AKT2: variants seen among roughly 807,000 people sequenced by gnomAD.
The protein encoded by AKT2 is AKT serine/threonine kinase 2.
AKT2 carries 16 observed loss-of-function variants against 58.6 expected under a neutral mutation model. That is an observed-to-expected ratio of 0.27 (90% CI 0.18 to 0.41). The LOEUF (loss-of-function observed/expected upper bound fraction) is 0.41. Ranked by LOEUF, AKT2 falls within the 10% of genes least tolerant of loss-of-function variation. The pLI is 1.00. For synonymous variants in AKT2, 253 were observed against 254.0 expected (o/e 1.00, Z 0.04); for missense variants, 438 against 661.0 (o/e 0.66, Z 3.70).
Position 40,242,052 on chromosome 19 carries a change from G to A in AKT2, c.459C>T (p.Asp153=). Residue 153 remains aspartate (D), a synonymous_variant, in exon 6 of 14, where the codon GAC becomes GAT. Transcript: ENST00000392038. This position sits in a 1 kb window ranked among gnomAD's most constrained non-coding sequence, Gnocchi z 4.3. The part of the protein sequence containing the change: ...ARAKVTMNDF[D]YLKLLGKGTF... ...TTCCCTTGCCAAGGAGTTTGAGATA[G>A]TCGAAGTCATTCATGGTCTGCCAGG... is the stretch of plus-strand genomic sequence containing the variant. 1 of 1,614,250 alleles carries A rather than the reference G, an allele frequency of 6.2e-7. No individual in the cohort carries two copies. The highest frequency in any genetic ancestry group is 8.5e-7 in the Non-Finnish European group (1 of 1,180,048).
chr19:40,275,927 G>A (rs1378972697), intron 1 of AKT2, among the ~76,000 whole-genome samples: 9 of 151,104 alleles, frequency 6.0e-5, no homozygotes, highest in East Asian at 5.9e-4. Context: ...GCAGAGAATC[G>A]CTTGAACCCG....
Position 40,234,913 on chromosome 19 carries a change from G to T in AKT2, c.1366+132C>A. The T allele has an allele frequency of 1.1e-6, 1 of 875,904 alleles. No individual in the cohort carries two copies. The highest frequency in any genetic ancestry group is 1.9e-6 in the Non-Finnish European group (1 of 535,732). 54.3% of individuals were successfully genotyped at this position (875,904 alleles called of 1,614,324 possible). On this transcript the variant is annotated intron_variant, in intron 13 of 13. Coordinates refer to ENST00000392038, the MANE Select transcript of AKT2 (RefSeq NM_001626.6). The surrounding 1 kb of genome is among the most constrained non-coding windows in gnomAD (Gnocchi z 4.7). ...GGACCAACAGCAAAAGGGCCTGAGA[G>T]CAGACTTGGGGAAATCTCCCAGACA...
At position 40,285,319 on chromosome 19, in the gene AKT2, C is replaced by A; in HGVS notation, c.-223G>T. 1 of 394,602 alleles carries A rather than the reference C, an allele frequency of 2.5e-6. No individual in the cohort carries two copies. The highest frequency in any genetic ancestry group is 4.5e-6 in the Non-Finnish European group (1 of 223,438). 24.4% of individuals were successfully genotyped at this position (394,602 alleles called of 1,614,324 possible). On this transcript the variant is annotated 5_prime_UTR_variant, in exon 1 of 14. Transcript: ENST00000392038. ...GCAGCGGCGGCGGCGACGCCTCCTCCGAGGCAGGCCCAACGGCTAGCACGG... is the reference window on the plus strand; with the variant it reads ...GCAGCGGCGGCGGCGACGCCTCCTCAGAGGCAGGCCCAACGGCTAGCACGG...
chr19:40,280,678 C>T (rs1297434317), intron 1 of AKT2: 1 of 152,558 alleles, frequency 6.6e-6, no homozygotes, highest in East Asian at 1.9e-4. Flanking sequence ...TGAGGCTTGT[C>T]CCTGCACCTC....
chr19:40,254,133 A>G (rs1975366312), intron 4 of AKT2, among the ~76,000 whole-genome samples: 1 of 152,034 alleles, frequency 6.6e-6, no homozygotes, highest in Non-Finnish European at 1.5e-5. Context: ...TACTGTTTCA[A>G]TTTTGAAATA....
At chr19:40,270,397 T>C (rs1379706832) in intron 1 of AKT2, 1 of 148,782 alleles carries the variant, frequency 6.7e-6, no homozygotes, top group African/African-American at 2.6e-5. Flanking sequence ...GGAATGAACA[T>C]GTACAGAGTG....
chr19:40,232,070 C>T lies in AKT2; in HGVS notation c.*1802G>A, dbSNP rs1310020291. 8.6e-6 allele frequency: 2 copies of T among 233,590 alleles called. No homozygotes were observed. Among genetic ancestry groups the T allele is most frequent in the African/African-American group, 2.2e-5 (1 of 45,342 alleles). 14.5% of individuals were successfully genotyped at this position (233,590 alleles called of 1,614,324 possible). ...CCCACCTCTCTTAGCCTAAGCAGCA[C>T]TGAGGGCCTGGAGTGGTCTCTGTCC... On this transcript the variant is annotated 3_prime_UTR_variant, in exon 14 of 14. Transcript: ENST00000392038.
At chr19:40,282,039 C>T (rs992425402) in intron 1 of AKT2, among the ~76,000 whole-genome samples, 4 of 152,158 alleles carry the variant, frequency 2.6e-5, no homozygotes, top group African/African-American at 9.7e-5. Flanking sequence ...TGTGCTCTCA[C>T]TCGCTTCCAT....
At chr19:40,245,895 G>A (rs950171611) in intron 4 of AKT2, among the ~76,000 whole-genome samples, 5 of 152,240 alleles carry the variant, frequency 3.3e-5, no homozygotes, top group East Asian at 1.9e-4. Flanking sequence ...GGGCCAGGGC[G>A]CAGCAGGGCC....
chr19:40,233,599 A>C lies in AKT2; in HGVS notation c.*273T>G, dbSNP rs1286312410. On this transcript the variant is annotated 3_prime_UTR_variant, in exon 14 of 14. Transcript: ENST00000392038. This position sits in a 1 kb window ranked among gnomAD's most constrained non-coding sequence, Gnocchi z 4.3. ...CCTCACTGGGGCTTGTGTGGATTAA[A>C]ACCTGAATCTCCAACCGCCCAACAG... is the stretch of plus-strand genomic sequence containing the variant. 1 of 724,466 alleles carries C rather than the reference A, an allele frequency of 1.4e-6. No homozygotes were observed. The highest frequency in any genetic ancestry group is 2.6e-6 in the Non-Finnish European group (1 of 391,130). The allele number at this position is 724,466 out of a possible 1,614,324, so 44.9% of individuals were successfully genotyped here.
At chr19:40,271,262 C>CATAT (rs552972206) in intron 1 of AKT2, among the ~76,000 whole-genome samples, 1 of 138,230 alleles carries the variant, frequency 7.2e-6, no homozygotes, top group African/African-American at 2.7e-5. Context: ...CGTATATATA[C>CATAT]ATATATATAT....
intron 1 of AKT2, among the ~76,000 whole-genome samples, chr19:40,269,794 G>C (rs1976588150): frequency 6.6e-6 from 1 of 152,182 alleles, no homozygotes; most frequent in Non-Finnish European, 1.5e-5. Context: ...CAGGGAAGGA[G>C]TGAGAGAATG....
At position 40,234,820 on chromosome 19, in the gene AKT2, A is replaced by T. The variant is rs1973908681; in HGVS notation, c.1366+225T>A. On this transcript the variant is annotated intron_variant, in intron 13 of 13. Coordinates refer to ENST00000392038, the MANE Select transcript of AKT2 (RefSeq NM_001626.6). This position sits in a 1 kb window ranked among gnomAD's most constrained non-coding sequence, Gnocchi z 4.7. ...AGGGACCGGGCTGCCTCCTGCCCTG[A>T]GCCCCCCGACTGAGCTCCAGAACGT... 1 of 637,792 alleles carries T rather than the reference A, an allele frequency of 1.6e-6. No individual in the cohort carries two copies. The highest frequency in any genetic ancestry group is 2.8e-6 in the Non-Finnish European group (1 of 354,084). The allele number at this position is 637,792 out of a possible 1,614,324, so 39.5% of individuals were successfully genotyped here. A position where few individuals can be genotyped will look rare whatever the true frequency, so the allele number is the denominator to read the frequency against.
At position 40,233,978 on chromosome 19, in the gene AKT2, G is replaced by A. The variant is rs1973855472; in HGVS notation, c.1367-27C>T. On this transcript the variant is annotated intron_variant, in intron 13 of 13. Coordinates refer to ENST00000392038, the MANE Select transcript of AKT2 (RefSeq NM_001626.6). The surrounding 1 kb of genome is among the most constrained non-coding windows in gnomAD (Gnocchi z 4.3). Reference sequence around the variant, plus strand: ...TGTGGGCGGCAGAGGTGGATGGGGAGGACCAGTCAGGAGAGGGCCTGGGAC... The same window carrying A: ...TGTGGGCGGCAGAGGTGGATGGGGAAGACCAGTCAGGAGAGGGCCTGGGAC... 1 of 1,604,794 alleles carries A rather than the reference G, an allele frequency of 6.2e-7. No individual in the cohort carries two copies. Among genetic ancestry groups the A allele is most frequent in the Non-Finnish European group, 8.5e-7 (1 of 1,178,422 alleles).
At chr19:40,283,775 C>T (rs984471190) in intron 1 of AKT2, among the ~76,000 whole-genome samples, 1 of 152,194 alleles carries the variant, frequency 6.6e-6, no homozygotes, top group East Asian at 1.9e-4. Context: ...CAGCCTTCCT[C>T]CCTGGGCCAG....
chr19:40,284,784 C>T, intron 1 of AKT2: 1 of 160,820 alleles, frequency 6.2e-6, no homozygotes, highest in Non-Finnish European at 1.4e-5. Flanking sequence ...TACAGCACAG[C>T]AACGGCTTCC....
rs1463082627 is a variant in AKT2, at chr19:40,231,649, G to A, written c.*2223C>T. 4.3e-6 allele frequency: 1 copy of A among 233,302 alleles called. No homozygotes were observed. Among genetic ancestry groups the A allele is most frequent in the Non-Finnish European group, 8.5e-6 (1 of 118,132 alleles). The allele number at this position is 233,302 out of a possible 1,614,324, so 14.5% of individuals were successfully genotyped here. ...AGGGCAGGCCAGGGCTCTGGTCCCT[G>A]GTCCCTTGCTGGGGGAGGTGTTCCA... On this transcript the variant is annotated 3_prime_UTR_variant, in exon 14 of 14. Transcript: ENST00000392038.
chr19:40,244,589 C>A (rs956828470), intron 4 of AKT2, among the ~76,000 whole-genome samples: 2 of 152,134 alleles, frequency 1.3e-5, no homozygotes, highest in African/African-American at 4.8e-5. Context: ...GCATTTTGAA[C>A]CCCCCGTGTA....
At position 40,235,648 on chromosome 19, in the gene AKT2, C is replaced by G. The variant is rs1425788349; in HGVS notation, c.1175+242G>C. ...CTCTGCCACATATGGTTTGGTGGCC[C>G]CAGCCAGGCCCAGGGGATGCCCTGT... is the stretch of plus-strand genomic sequence containing the variant. On this transcript the variant is annotated intron_variant, in intron 11 of 13. Transcript: ENST00000392038. This position sits in a 1 kb window ranked among gnomAD's most constrained non-coding sequence, Gnocchi z 6.3. Among the ~76,000 whole-genome samples the G allele has an allele frequency of 6.6e-6, 1 of 152,160 alleles. No individual in the cohort carries two copies. Among genetic ancestry groups the G allele is most frequent in the African/African-American group, 2.4e-5 (1 of 41,448 alleles).
Sources: gnomAD v4.1 joint callset for allele counts (sites outside exome capture counted in the v4.1 genomes callset) on GRCh38, gnomAD v4.1.1 for gene constraint, Gnocchi (gnomAD v3.1) non-coding constraint, MANE v1.5 for transcripts, NCBI Gene and HGNC (gene_info 2026-07-23, HGNC 2026-07-21) for gene names.